ARID5B: variants seen among roughly 807,000 people sequenced by gnomAD.
ARID5B encodes the protein AT-rich interactive domain-containing protein 5B.
ARID5B carries 13 observed loss-of-function variants against 97.2 expected under a neutral mutation model. That is an observed-to-expected ratio of 0.13 (90% CI 0.09 to 0.21). ARID5B has a LOEUF of 0.21. Among genes scored for constraint, ARID5B ranks in the 10% least tolerant of loss-of-function variants. The probability of loss-of-function intolerance (pLI) is 1.00; values close to 1 mark genes in which losing one functional copy is unlikely to be tolerated. For synonymous variants in ARID5B, 556 were observed against 570.3 expected, an observed-to-expected ratio of 0.97 and a Z score of 0.36; for missense variants, 1,210 against 1,465.3, an observed-to-expected ratio of 0.83 and a Z score of 2.84.
chr10:61,991,805 G>A (rs897397615), intron 3 of ARID5B, among the ~76,000 whole-genome samples: 10 of 152,258 alleles, frequency 6.6e-5, no homozygotes, highest in Middle Eastern at 3.4e-3. Flanking sequence ...TGAGGTGGGC[G>A]GATCACCTGA....
intron 3 of ARID5B, among the ~76,000 whole-genome samples, chr10:61,993,807 G>C (rs938311716): frequency 2.6e-5 from 4 of 152,148 alleles, no homozygotes; most frequent in Non-Finnish European, 4.4e-5. Flanking sequence ...TTGGTTGCTA[G>C]GAGCACAGTG....
chr10:62,002,733 G>A (rs1168595791), intron 4 of ARID5B, among the ~76,000 whole-genome samples: 1 of 152,172 alleles, frequency 6.6e-6, no homozygotes, highest in Non-Finnish European at 1.5e-5. Context: ...TTTAATTAGT[G>A]ACTAGCATTA....
At chr10:61,944,096 G>A (rs189810954) in intron 3 of ARID5B, among the ~76,000 whole-genome samples, 323 of 152,100 alleles carry the variant, frequency 2.1e-3, no homozygotes, top group Admixed American at 5.6e-3. Context: ...TTCAAAGAAA[G>A]AAAGTTCAAT....
intron 3 of ARID5B, among the ~76,000 whole-genome samples, chr10:61,951,033 A>G (rs1422614953): frequency 6.6e-6 from 1 of 152,198 alleles, no homozygotes; most frequent in Non-Finnish European, 1.5e-5. Flanking sequence ...AATCTGTTAG[A>G]GTACTTTTAA....
intron 3 of ARID5B, among the ~76,000 whole-genome samples, chr10:61,961,478 T>C (rs540495223): frequency 6.6e-6 from 1 of 152,220 alleles, no homozygotes; most frequent in South Asian, 2.1e-4. Flanking sequence ...CTAGAAAGGG[T>C]TGGAACCGGT....
intron 4 of ARID5B, among the ~76,000 whole-genome samples, chr10:62,031,558 G>A (rs1839497422): frequency 6.6e-6 from 1 of 152,204 alleles, no homozygotes; most frequent in Non-Finnish European, 1.5e-5. Context: ...TTCACTGTAG[G>A]TAACTGACTT....
At position 62,091,488 on chromosome 10, in the gene ARID5B, G is replaced by A. The variant is rs148872830; in HGVS notation, c.2025G>A (p.Thr675=). ...ACGAGAACCATGGACTTAATTACAC[G>A]CCCCTGCTCTACTCTAGGGGCAACC... ...PMNENHGLNY[T]PLLYSRGNPG... The change falls in exon 10 of 10, where the codon ACG becomes ACA. Residue 675 remains threonine, a synonymous_variant. Transcript: ENST00000279873. 226 of 1,612,674 alleles carry A rather than the reference G, an allele frequency of 1.4e-4. No homozygotes were observed. Among genetic ancestry groups the A allele is most frequent in the Non-Finnish European group, 1.7e-4 (196 of 1,179,400 alleles).
intron 5 of ARID5B, among the ~76,000 whole-genome samples, chr10:62,055,944 T>G (rs1384209315): frequency 2.0e-5 from 3 of 152,196 alleles, no homozygotes; most frequent in Non-Finnish European, 4.4e-5. Flanking sequence ...TGGGACATTT[T>G]TATTCGTAAC....
chr10:61,918,956 C>T (rs1206126501), intron 2 of ARID5B, among the ~76,000 whole-genome samples: 2 of 150,002 alleles, frequency 1.3e-5, no homozygotes, highest in African/African-American at 4.9e-5. Context: ...ATCTCTTGAA[C>T]CTGGGAGGCG....
chr10:61,981,333 G>A (rs2099509918), intron 3 of ARID5B, among the ~76,000 whole-genome samples: 1 of 152,164 alleles, frequency 6.6e-6, no homozygotes. Flanking sequence ...CCAGGCTGGA[G>A]TGCAGTGGCG....
chr10:62,031,156 C>T (rs922271351), intron 4 of ARID5B, among the ~76,000 whole-genome samples: 8 of 152,184 alleles, frequency 5.3e-5, no homozygotes, highest in Non-Finnish European at 8.8e-5. Flanking sequence ...GTCACTTGAA[C>T]CCAGGAGGCG....
intron 3 of ARID5B, among the ~76,000 whole-genome samples, chr10:61,958,077 C>T (rs72833363): frequency 0.036 from 5,554 of 152,204 alleles, 111 homozygotes; most frequent in Middle Eastern, 0.054. Flanking sequence ...AAGGAAGGAA[C>T]TCACAGGTAG....
intron 8 of ARID5B, among the ~76,000 whole-genome samples, chr10:62,073,724 T>C (rs1335185657): frequency 6.6e-6 from 1 of 152,210 alleles, no homozygotes; most frequent in Non-Finnish European, 1.5e-5. Flanking sequence ...AAAGCATTAA[T>C]GTTTTCCCAT....
intron 3 of ARID5B, among the ~76,000 whole-genome samples, chr10:61,987,042 G>A (rs1838856649): frequency 6.6e-6 from 1 of 152,196 alleles, no homozygotes; most frequent in Admixed American, 6.5e-5. Flanking sequence ...AGTGCTACCT[G>A]GTGAAAGCTG....
chr10:61,957,561 G>A (rs550092089), intron 3 of ARID5B, among the ~76,000 whole-genome samples: 15 of 152,326 alleles, frequency 9.8e-5, no homozygotes, highest in Admixed American at 7.8e-4. Context: ...AAGCCACTGC[G>A]CCCGGCCTGT....
At chr10:62,042,914 C>CA (rs34887438) in intron 4 of ARID5B, among the ~76,000 whole-genome samples, 14,468 of 121,156 alleles carry the variant, frequency 0.12, 1,210 homozygotes, top group African/African-American at 0.26. Flanking sequence ...GAGTCTGTCC[C>CA]AAAAAAAAAA....
At chr10:62,043,126 C>G (rs1839662872) in intron 4 of ARID5B, among the ~76,000 whole-genome samples, 1 of 152,130 alleles carries the variant, frequency 6.6e-6, no homozygotes, top group East Asian at 1.9e-4. Flanking sequence ...ATGGTTTCCC[C>G]TGGAGGATAT....
chr10:61,904,534 A>G (rs1843675302), intron 2 of ARID5B, among the ~76,000 whole-genome samples: 2 of 152,234 alleles, frequency 1.3e-5, no homozygotes, highest in Non-Finnish European at 1.5e-5. Context: ...CGTCACTGCT[A>G]TATGAGCCAT....
intron 2 of ARID5B, among the ~76,000 whole-genome samples, chr10:61,931,982 C>T (rs945316895): frequency 2.0e-5 from 3 of 152,116 alleles, no homozygotes; most frequent in African/African-American, 7.2e-5. Flanking sequence ...TACCATATGA[C>T]TCAGCAATCT....
Sources: allele counts gnomAD v4.1 joint callset (sites outside exome capture counted in the v4.1 genomes callset), GRCh38; gene constraint gnomAD v4.1.1; transcripts MANE v1.5; gene names NCBI Gene and HGNC (gene_info 2026-07-23, HGNC 2026-07-21).